Variants in BRD10 observed in about 807,000 individuals in gnomAD.
BRD10 encodes the protein bromodomain containing 10.
chr9:5,951,635 T>G, the BRD10 span, among the ~76,000 whole-genome samples: 2 of 152,194 alleles, frequency 1.3e-5, no homozygotes, highest in Non-Finnish European at 2.9e-5. Flanking sequence ...GCTAGAACTT[T>G]TGGGCAGGGA....
At chr9:5,893,053 A>C in the BRD10 span, among the ~76,000 whole-genome samples, 1 of 152,228 alleles carries the variant, frequency 6.6e-6, no homozygotes, top group South Asian at 2.1e-4. Flanking sequence ...AAGGAAAGAC[A>C]TTGGGTTTTA....
At chr9:5,915,261 G>A in the BRD10 span, among the ~76,000 whole-genome samples, 3 of 150,732 alleles carry the variant, frequency 2.0e-5, no homozygotes, top group Non-Finnish European at 3.0e-5. Context: ...CCACTTTTCT[G>A]GCCCACCTAA....
At chr9:5,987,351 G>A in the BRD10 span, among the ~76,000 whole-genome samples, 1 of 152,072 alleles carries the variant, frequency 6.6e-6, no homozygotes, top group Admixed American at 6.5e-5. Flanking sequence ...GACCAGTAGT[G>A]GAGATGTAGA....
the BRD10 span, among the ~76,000 whole-genome samples, chr9:5,890,600 T>G: frequency 6.6e-6 from 1 of 152,148 alleles, no homozygotes; most frequent in Non-Finnish European, 1.5e-5. Flanking sequence ...GACCATGAAT[T>G]TTAAATCATT....
the BRD10 span, chr9:6,007,150 G>C: frequency 6.4e-7 from 1 of 1,573,412 alleles, no homozygotes; most frequent in African/African-American, 1.3e-5. Flanking sequence ...GTGAGTGTGT[G>C]TTTGTGTCAG....
At chr9:5,905,089 C>T in the BRD10 span, among the ~76,000 whole-genome samples, 2 of 152,108 alleles carry the variant, frequency 1.3e-5, no homozygotes, top group African/African-American at 2.4e-5. Context: ...TTCTTTTTTA[C>T]TTTTTTTCAG....
the BRD10 span, among the ~76,000 whole-genome samples, chr9:5,958,394 T>C: frequency 6.6e-6 from 1 of 152,232 alleles, no homozygotes; most frequent in South Asian, 2.1e-4. Flanking sequence ...TTTCTCAGTT[T>C]CTTATTCCTC....
the BRD10 span, among the ~76,000 whole-genome samples, chr9:5,917,376 G>C: frequency 6.6e-6 from 1 of 152,222 alleles, no homozygotes; most frequent in South Asian, 2.1e-4. Flanking sequence ...AAGAAAATTA[G>C]AGTACAGTGA....
chr9:5,897,517 G>T, the BRD10 span: 1 of 1,548,790 alleles, frequency 6.5e-7, no homozygotes, highest in African/African-American at 1.4e-5. Context: ...GTAGAACAAT[G>T]TTTCAATGAC....
chr9:5,970,542 G>C, the BRD10 span, among the ~76,000 whole-genome samples: 7 of 152,056 alleles, frequency 4.6e-5, no homozygotes, highest in Non-Finnish European at 1.0e-4. Flanking sequence ...TCTTAGATCT[G>C]ACACCCAAAA....
chr9:5,922,859 C>T, the BRD10 span: 1 of 1,613,972 alleles, frequency 6.2e-7, no homozygotes, highest in Non-Finnish European at 8.5e-7. Context: ...CTTTATCGGG[C>T]TTGCTTCCGG....
chr9:5,902,782 T>C, the BRD10 span, among the ~76,000 whole-genome samples: 151 of 152,216 alleles, frequency 9.9e-4, no homozygotes, highest in African/African-American at 3.4e-3. Context: ...ACTGGCATTA[T>C]AGGCATGAGC....
the BRD10 span, among the ~76,000 whole-genome samples, chr9:5,903,060 C>G: frequency 6.6e-6 from 1 of 152,146 alleles, no homozygotes; most frequent in Non-Finnish European, 1.5e-5. Flanking sequence ...ATTTAAATTT[C>G]TCCTGAGATT....
chr9:5,934,884 A>G, the BRD10 span, among the ~76,000 whole-genome samples: 2 of 152,198 alleles, frequency 1.3e-5, no homozygotes, highest in Non-Finnish European at 2.9e-5. Context: ...ATTTTAATAA[A>G]CTAATTATTT....
chr9:5,913,752 T>A, the BRD10 span: 1 of 186,796 alleles, frequency 5.4e-6, no homozygotes, highest in Non-Finnish European at 1.1e-5. Flanking sequence ...AAAAAATACA[T>A]TGATGCTGTT....
At chr9:5,965,434 G>A in the BRD10 span, among the ~76,000 whole-genome samples, 1 of 152,232 alleles carries the variant, frequency 6.6e-6, no homozygotes, top group Admixed American at 6.5e-5. Context: ...AGAAGATTTT[G>A]AAAACTCAAA....
chr9:5,908,728 G>C, the BRD10 span: 2 of 1,603,658 alleles, frequency 1.2e-6, no homozygotes, highest in East Asian at 2.2e-5. Context: ...AGACACCTGA[G>C]ACATGCTGAA....
At chr9:5,945,862 T>C in the BRD10 span, among the ~76,000 whole-genome samples, 9 of 152,022 alleles carry the variant, frequency 5.9e-5, no homozygotes, top group Non-Finnish European at 1.3e-4. Flanking sequence ...AAATCTCAGA[T>C]TAATGAAAAG....
At chr9:6,007,483 AG>A in the BRD10 span, 1 of 1,611,798 alleles carries the variant, frequency 6.2e-7, no homozygotes. Context: ...CAAGGGCTGC[AG>A]AAAGGGGGCG....
Sources: gnomAD v4.1 joint callset for allele counts (sites outside exome capture counted in the v4.1 genomes callset) on GRCh38, gnomAD v4.1.1 for gene constraint, MANE v1.5 for transcripts, NCBI Gene and HGNC (gene_info 2026-07-23, HGNC 2026-07-21) for gene names.